Variants in INPP4B observed in about 807,000 individuals in gnomAD.
The protein encoded by INPP4B is inositol polyphosphate 4-phosphatase type II.
In INPP4B, 55 loss-of-function variants were observed where a neutral mutation model predicts 122.5. That is an observed-to-expected ratio of 0.45 (90% CI 0.36 to 0.56). The LOEUF (loss-of-function observed/expected upper bound fraction) is 0.56, where lower values mean the gene tolerates loss of function less well. Ranked by LOEUF, INPP4B falls within the 20% of genes least tolerant of loss-of-function variation. The pLI, the probability that INPP4B is intolerant of heterozygous loss-of-function variation, is 0.00. For missense variants in INPP4B, 1,000 were observed against 1,097.7 expected, an observed-to-expected ratio of 0.91 and a Z score of 1.26; for synonymous variants, 403 against 388.7, an observed-to-expected ratio of 1.04 and a Z score of -0.43.
intron 2 of INPP4B, among the ~76,000 whole-genome samples, chr4:142,625,626 A>G (rs75770106): frequency 0.77 from 114,629 of 149,030 alleles, 44,725 homozygotes; most frequent in East Asian, 0.84. Flanking sequence ...GAATTGGAAA[A>G]AACTACTTTA....
intron 7 of INPP4B, among the ~76,000 whole-genome samples, chr4:142,348,056 C>T (rs867956600): frequency 4.3e-4 from 65 of 152,042 alleles, no homozygotes; most frequent in African/African-American, 1.4e-3. Context: ...ATAAACATCA[C>T]CACATTTTGA....
At chr4:142,108,777 A>C (rs1366772123) in intron 22 of INPP4B, among the ~76,000 whole-genome samples, 2 of 152,154 alleles carry the variant, frequency 1.3e-5, no homozygotes, top group Non-Finnish European at 2.9e-5. Flanking sequence ...AGAGGTGTCA[A>C]GACAAACCTG....
intron 21 of INPP4B, 64 bp from the exon 22 acceptor site, chr4:142,112,746 A>AATGTT (rs1240173571): frequency 6.7e-7 from 1 of 1,501,922 alleles, no homozygotes; most frequent in African/African-American, 1.4e-5. Context: ...TTTTAGATTT[A>AATGTT]TTGGAAGAAA....
At chr4:142,637,647 C>T (rs796703475) in intron 2 of INPP4B, among the ~76,000 whole-genome samples, 6 of 152,258 alleles carry the variant, frequency 3.9e-5, no homozygotes, top group African/African-American at 1.4e-4. Context: ...ATAAATAAAG[C>T]TGCTGTAAAC....
At chr4:142,719,149 C>G (rs999040912) in intron 2 of INPP4B, among the ~76,000 whole-genome samples, 11 of 152,140 alleles carry the variant, frequency 7.2e-5, no homozygotes, top group African/African-American at 2.4e-4. Flanking sequence ...AAACCTGCTT[C>G]ACACTTGGTT....
chr4:142,801,394 T>A (rs1207883943), intron 1 of INPP4B, among the ~76,000 whole-genome samples: 1 of 152,106 alleles, frequency 6.6e-6, no homozygotes, highest in African/African-American at 2.4e-5. Flanking sequence ...CAAGCCCCAA[T>A]CCAATCTGAC....
intron 11 of INPP4B, among the ~76,000 whole-genome samples, chr4:142,255,378 CTAAATGCTCCAGT>C (rs1259963226): frequency 6.6e-6 from 1 of 152,002 alleles, no homozygotes; most frequent in African/African-American, 2.4e-5. Flanking sequence ...TGAAAATGGA[CTAAATGCTCCAGT>C]TAAAAGACAC....
intron 7 of INPP4B, among the ~76,000 whole-genome samples, chr4:142,389,937 T>C (rs1797144838): frequency 6.6e-6 from 1 of 152,200 alleles, no homozygotes; most frequent in South Asian, 2.1e-4. Flanking sequence ...TTTGAACAAG[T>C]TGTGAAAGGT....
chr4:142,548,951 A>G (rs2150068198), intron 2 of INPP4B, among the ~76,000 whole-genome samples: 1 of 152,218 alleles, frequency 6.6e-6, no homozygotes, highest in Non-Finnish European at 1.5e-5. Context: ...TATGTCTGTG[A>G]GGCCCTCAAA....
chr4:142,834,139 T>A (rs1204974473), intron 1 of INPP4B, among the ~76,000 whole-genome samples: 2 of 152,148 alleles, frequency 1.3e-5, no homozygotes, highest in Non-Finnish European at 2.9e-5. Context: ...AAACTCGATA[T>A]TTTTATGTGG....
At chr4:142,798,042 G>C (rs6844306) in intron 1 of INPP4B, among the ~76,000 whole-genome samples, 76,777 of 151,568 alleles carry the variant, frequency 0.51, 23,381 homozygotes, top group African/African-American at 0.87. Context: ...AAACACTGGA[G>C]CATCAATAGA....
intron 7 of INPP4B, among the ~76,000 whole-genome samples, chr4:142,356,561 A>C (rs1737761813): frequency 6.6e-6 from 1 of 151,814 alleles, no homozygotes; most frequent in African/African-American, 2.4e-5. Flanking sequence ...TGAGTTAGTA[A>C]GGTTTCAGTT....
chr4:142,280,809 A>T (rs1248382333), intron 9 of INPP4B, among the ~76,000 whole-genome samples: 1 of 152,006 alleles, frequency 6.6e-6, no homozygotes, highest in Non-Finnish European at 1.5e-5. Flanking sequence ...ATCCTCTTCC[A>T]TGTCAAGCAA....
At chr4:142,832,122 G>A (rs1782218050) in intron 1 of INPP4B, among the ~76,000 whole-genome samples, 1 of 152,156 alleles carries the variant, frequency 6.6e-6, no homozygotes, top group Non-Finnish European at 1.5e-5. Flanking sequence ...GGATTTGATG[G>A]AGGTTGACAT....
chr4:142,625,584 T>A (rs998661790), intron 2 of INPP4B, among the ~76,000 whole-genome samples: 3 of 151,902 alleles, frequency 2.0e-5, no homozygotes, highest in Non-Finnish European at 4.4e-5. Flanking sequence ...TTCAATGCCA[T>A]CCCCATCAAG....
chr4:142,727,776 G>T (rs1016015813), intron 1 of INPP4B, among the ~76,000 whole-genome samples: 4 of 152,084 alleles, frequency 2.6e-5, no homozygotes, highest in African/African-American at 9.7e-5. Flanking sequence ...TATTCGAAAG[G>T]CTGAGATGGG....
chr4:142,224,997 A>G (rs527629115), intron 12 of INPP4B, among the ~76,000 whole-genome samples: 1 of 152,274 alleles, frequency 6.6e-6, no homozygotes, highest in South Asian at 2.1e-4. Context: ...TGAAGGATGC[A>G]AAGTATTGTT....
chr4:142,260,602 A>C, intron 10 of INPP4B, 38 bp from the exon 11 acceptor site: 1 of 1,225,332 alleles, frequency 8.2e-7, no homozygotes. Flanking sequence ...AAATTTTGAG[A>C]ACAATCAAAA....
intron 11 of INPP4B, among the ~76,000 whole-genome samples, chr4:142,259,018 G>T (rs1579491990): frequency 6.6e-6 from 1 of 151,976 alleles, no homozygotes; most frequent in Non-Finnish European, 1.5e-5. Flanking sequence ...GGAATACTAT[G>T]CAGCCATAAA....
Sources: gnomAD v4.1 joint callset for allele counts (sites outside exome capture counted in the v4.1 genomes callset) on GRCh38, gnomAD v4.1.1 for gene constraint, MANE v1.5 for transcripts, NCBI Gene and HGNC (gene_info 2026-07-23, HGNC 2026-07-21) for gene names.